STK33: variants seen among roughly 807,000 people sequenced by gnomAD.
STK33 encodes serine/threonine kinase 33, also known as serine/threonine-protein kinase 33.
STK33 carries 52 observed loss-of-function variants against 58.0 expected under a neutral mutation model. The ratio of observed to expected loss-of-function variants is 0.90; its 90% CI spans 0.72 to 1.13. The LOEUF (loss-of-function observed/expected upper bound fraction) is 1.13. Ranked by LOEUF, STK33 falls within the 50% of genes most tolerant of loss-of-function variation. The probability of loss-of-function intolerance (pLI) is 0.00; values close to 1 mark genes in which losing one functional copy is unlikely to be tolerated. For synonymous variants in STK33, 215 were observed against 200.1 expected (o/e 1.07, Z -0.63); for missense variants, 630 against 604.2 (o/e 1.04, Z -0.45).
intron 14 of STK33, among the ~76,000 whole-genome samples, chr11:8,430,090 T>C (rs752098828): frequency 3.9e-5 from 6 of 152,152 alleles, no homozygotes; most frequent in South Asian, 2.1e-4. Context: ...TAGTAAGTCA[T>C]TGCCAAATGA....
the STK33 span, among the ~76,000 whole-genome samples, chr11:8,359,601 A>C: frequency 6.6e-6 from 1 of 152,176 alleles, no homozygotes; most frequent in African/African-American, 2.4e-5. Flanking sequence ...CTCCTCAGTC[A>C]CTTGCCTCCA....
At chr11:8,571,315 A>G (rs1957792349) in intron 1 of STK33, among the ~76,000 whole-genome samples, 1 of 152,182 alleles carries the variant, frequency 6.6e-6, no homozygotes, top group Non-Finnish European at 1.5e-5. Flanking sequence ...GATACAAAAG[A>G]ACAAACATTG....
At chr11:8,562,172 TTAGAG>T (rs1264649625) in intron 1 of STK33, among the ~76,000 whole-genome samples, 1 of 152,248 alleles carries the variant, frequency 6.6e-6, no homozygotes, top group African/African-American at 2.4e-5. Context: ...TTCTGCATGC[TTAGAG>T]TAAAGCAGTT....
intron 1 of STK33, among the ~76,000 whole-genome samples, chr11:8,527,536 G>A (rs950006635): frequency 7.3e-5 from 11 of 151,444 alleles, no homozygotes; most frequent in Non-Finnish European, 1.3e-4. Context: ...GGGTTGGGGT[G>A]GAAGACATAA....
chr11:8,374,539 G>A, the STK33 span, among the ~76,000 whole-genome samples: 2 of 152,204 alleles, frequency 1.3e-5, no homozygotes, highest in African/African-American at 4.8e-5. Flanking sequence ...GAGACAGAGA[G>A]AGAGAAGGAT....
At chr11:8,388,487 A>G (rs1481173052), downstream of STK33, among the ~76,000 whole-genome samples, 8 of 152,244 alleles carry the variant, frequency 5.3e-5, no homozygotes, top group Non-Finnish European at 1.0e-4. Flanking sequence ...CAGCCAGCTC[A>G]CTCAGAAAAA....
chr11:8,454,274 T>C (rs1245733523), intron 10 of STK33, among the ~76,000 whole-genome samples: 1 of 152,210 alleles, frequency 6.6e-6, no homozygotes, highest in Non-Finnish European at 1.5e-5. Flanking sequence ...AACACTTAAT[T>C]TGAATAAAAT....
At chr11:8,526,366 TG>T in intron 1 of STK33, among the ~76,000 whole-genome samples, 1 of 151,678 alleles carries the variant, frequency 6.6e-6, no homozygotes, top group East Asian at 1.9e-4. Context: ...TACTCCAGCC[TG>T]GGCAACAGAG....
At chr11:8,578,884 CA>C (rs1439063862) in intron 1 of STK33, among the ~76,000 whole-genome samples, 1 of 151,880 alleles carries the variant, frequency 6.6e-6, no homozygotes, top group Non-Finnish European at 1.5e-5. Flanking sequence ...TAACCTTAGG[CA>C]AGTTCTCCAA....
At chr11:8,337,872 A>G in the STK33 span, among the ~76,000 whole-genome samples, 1 of 151,796 alleles carries the variant, frequency 6.6e-6, no homozygotes, top group African/African-American at 2.4e-5. Flanking sequence ...CTCACCTTCC[A>G]GTCTCCACCC....
At chr11:8,361,973 C>T in the STK33 span, among the ~76,000 whole-genome samples, 11 of 152,356 alleles carry the variant, frequency 7.2e-5, no homozygotes, top group South Asian at 1.2e-3. This position sits in a 1 kb window ranked among gnomAD's most constrained non-coding sequence, Gnocchi z 4.8. Context: ...CTCCCCAGGA[C>T]GGTTCAGTAT....
At chr11:8,498,030 A>C (rs561476762) in intron 1 of STK33, among the ~76,000 whole-genome samples, 1 of 152,330 alleles carries the variant, frequency 6.6e-6, no homozygotes, top group African/African-American at 2.4e-5. Context: ...AGTGGAACTG[A>C]TCTCAGAAAT....
intron 1 of STK33, among the ~76,000 whole-genome samples, chr11:8,575,354 A>T (rs1958103918): frequency 6.6e-6 from 1 of 152,204 alleles, no homozygotes; most frequent in Non-Finnish European, 1.5e-5. Flanking sequence ...AAACAACCCA[A>T]GTGTCCATCA....
chr11:8,348,196 G>A, the STK33 span, among the ~76,000 whole-genome samples: 1 of 152,190 alleles, frequency 6.6e-6, no homozygotes, highest in African/African-American at 2.4e-5. Flanking sequence ...CCTGCAAGGG[G>A]GAACTTCCCC....
chr11:8,487,438 AAAAAG>A (rs1950266795), intron 1 of STK33, among the ~76,000 whole-genome samples: 1 of 151,734 alleles, frequency 6.6e-6, no homozygotes, highest in African/African-American at 2.4e-5. Flanking sequence ...AAAAAAAAAA[AAAAAG>A]AGAGAGAGAG....
intron 1 of STK33, among the ~76,000 whole-genome samples, chr11:8,568,639 T>A (rs566938492): frequency 6.6e-6 from 1 of 152,186 alleles, no homozygotes; most frequent in Non-Finnish European, 1.5e-5. Context: ...GAAAGCTATT[T>A]ATTATAGTAT....
intron 1 of STK33, among the ~76,000 whole-genome samples, chr11:8,494,024 T>C (rs1454527283): frequency 6.6e-6 from 1 of 152,166 alleles, no homozygotes; most frequent in African/African-American, 2.4e-5. Flanking sequence ...AGCATTCCCT[T>C]TGAAAACCTG....
At chr11:8,523,976 A>G (rs997157438) in intron 1 of STK33, among the ~76,000 whole-genome samples, 2 of 152,172 alleles carry the variant, frequency 1.3e-5, no homozygotes, top group Non-Finnish European at 2.9e-5. Context: ...TACTAAGAAA[A>G]ATTCTTCTGC....
intron 15 of STK33, among the ~76,000 whole-genome samples, chr11:8,406,003 C>T (rs1186237736): frequency 6.6e-6 from 1 of 151,962 alleles, no homozygotes; most frequent in Non-Finnish European, 1.5e-5. Context: ...ATTAGCCGGG[C>T]ATGGTGGCGG....
Sources: gnomAD v4.1 joint callset for allele counts (sites outside exome capture counted in the v4.1 genomes callset) on GRCh38, gnomAD v4.1.1 for gene constraint, Gnocchi (gnomAD v3.1) non-coding constraint, MANE v1.5 for transcripts, NCBI Gene and HGNC (gene_info 2026-07-23, HGNC 2026-07-21) for gene names.